Variants in TMEM132B observed in about 807,000 individuals in gnomAD.
The protein encoded by TMEM132B is transmembrane protein 132B.
In TMEM132B, 18 loss-of-function variants were observed where a neutral mutation model predicts 90.8. The observed-to-expected ratio is 0.20, with a 90% CI of 0.14 to 0.29. The LOEUF is 0.29. Ranked by LOEUF, TMEM132B falls within the 10% of genes least tolerant of loss-of-function variation. The pLI is 1.00. For missense variants in TMEM132B, 1,096 were observed against 1,326.8 expected (o/e 0.83, Z 2.70); for synonymous variants, 504 against 523.3 (o/e 0.96, Z 0.50).
In TMEM132B at chr12:125,411,160, T is replaced by TGGA. The variant is rs1266848494; in HGVS notation, c.960-4369_960-4367dup. ...GAGTGGAGTGAGTGGAGTGGAGGAG[T>TGGA]GGAGTGGAGTGGAGTGGAGTGAGTG... On this transcript the variant is annotated intron_variant, in intron 2 of 8. Transcript: ENST00000682704. Among the ~76,000 whole-genome samples the TGGA allele has an allele frequency of 1.4e-3, 61 of 44,980 alleles. 1 individual carries two copies. The highest frequency in any genetic ancestry group is 2.9e-3 in the East Asian group (5 of 1,702). 29.5% of individuals were successfully genotyped at this position (44,980 alleles called of 152,430 possible). A position where few individuals can be genotyped will look rare whatever the true frequency, so the allele number is the denominator to read the frequency against.
At chr12:125,625,130 CTTTTT>C (rs1169262449) in intron 5 of TMEM132B, among the ~76,000 whole-genome samples, 8 of 103,912 alleles carry the variant, frequency 7.7e-5, no homozygotes, top group African/African-American at 2.3e-4. Flanking sequence ...GATTTGACTT[CTTTTT>C]TTTTTTTTTT....
rs1458075923 is a variant in TMEM132B, at chr12:125,432,528, T to TATATATAGAG, written c.1106+16852_1106+16853insTATATAGAGA. ...GTGTGTGTGTATATATATATATATA[T>TATATATAGAG]AGAGAGAGAGAGAGAGAGAGAGAGA... is the stretch of plus-strand genomic sequence containing the variant. On this transcript the variant is annotated intron_variant, in intron 3 of 8. Transcript: ENST00000682704. 3.8e-3 allele frequency among the ~76,000 whole-genome samples: 149 copies of TATATATAGAG among 39,126 alleles called. 41 individuals carry two copies. The highest frequency in any genetic ancestry group is 5.1e-3 in the Non-Finnish European group (103 of 20,094). 25.7% of individuals were successfully genotyped at this position (39,126 alleles called of 152,430 possible).
chr12:125,443,295 G>A (rs1466679014), intron 3 of TMEM132B, among the ~76,000 whole-genome samples: 2 of 152,158 alleles, frequency 1.3e-5, no homozygotes. Flanking sequence ...ACTATTGAGG[G>A]GAGAAGAGGG....
rs149065668 is a variant in TMEM132B, at chr12:125,656,054, G to T, written c.*1344G>T. ...ACCACAGCTATTGAAAAATTAAAAC[G>T]GCAAGAGAAAAAAAGAAACAACTCC... On this transcript the variant is annotated 3_prime_UTR_variant, in exon 9 of 9. Coordinates refer to ENST00000682704, the MANE Select transcript of TMEM132B (RefSeq NM_001366854.1). The T allele has an allele frequency of 2.6e-5, 4 of 151,778 alleles. No individual in the cohort carries two copies. Among genetic ancestry groups the T allele is most frequent in the Admixed American group, 6.5e-5 (1 of 15,268 alleles). 9.4% of individuals were successfully genotyped at this position (151,778 alleles called of 1,614,324 possible). A position where few individuals can be genotyped will look rare whatever the true frequency, so the allele number is the denominator to read the frequency against.
chr12:125,435,715 G>T (rs1167319241), intron 3 of TMEM132B, among the ~76,000 whole-genome samples: 1 of 152,216 alleles, frequency 6.6e-6, no homozygotes, highest in African/African-American at 2.4e-5. Flanking sequence ...GATAAGAATG[G>T]AGAATGCCGG....
intron 1 of TMEM132B, among the ~76,000 whole-genome samples, chr12:125,211,393 T>C (rs542936369): frequency 4.6e-5 from 7 of 152,356 alleles, no homozygotes; most frequent in African/African-American, 1.7e-4. Flanking sequence ...TCTATCATGT[T>C]ATCTTCCTCT....
intron 1 of TMEM132B, among the ~76,000 whole-genome samples, chr12:125,227,858 A>G (rs1303344576): frequency 6.6e-6 from 1 of 152,134 alleles, no homozygotes; most frequent in Non-Finnish European, 1.5e-5. Flanking sequence ...ATGGGGTGGG[A>G]TAACTCCAAA....
intron 1 of TMEM132B, chr12:125,301,908 A>AAAAC (rs1565996922): frequency 3.4e-5 from 1 of 29,160 alleles, no homozygotes; most frequent in Non-Finnish European, 8.2e-5. Context: ...CAAAACAAAA[A>AAAAC]AAGAAAAAAT....
intron 1 of TMEM132B, among the ~76,000 whole-genome samples, chr12:125,319,369 T>C (rs326385): frequency 0.74 from 112,888 of 152,116 alleles, 43,033 homozygotes; most frequent in African/African-American, 0.91. Context: ...GAACTTGGCT[T>C]TCCAGTATGG....
intron 1 of TMEM132B, among the ~76,000 whole-genome samples, chr12:125,252,210 C>A (rs988081382): frequency 2.0e-5 from 3 of 152,190 alleles, no homozygotes; most frequent in African/African-American, 7.2e-5. Context: ...GCTAGTGGGC[C>A]TCAGGAAGGG....
chr12:125,292,648 C>G (rs1875572059), intron 1 of TMEM132B, among the ~76,000 whole-genome samples: 1 of 152,210 alleles, frequency 6.6e-6, no homozygotes, highest in South Asian at 2.1e-4. Flanking sequence ...AGGACTTGGT[C>G]TCTCTCCATT....
chr12:125,488,465 G>A (rs1194354378), intron 3 of TMEM132B, among the ~76,000 whole-genome samples: 1 of 152,162 alleles, frequency 6.6e-6, no homozygotes, highest in South Asian at 2.1e-4. Flanking sequence ...GAGGTGATTG[G>A]ATTATGGGGG....
rs145177193 is a variant in TMEM132B at position 125,283,332 on chromosome 12, A to G, written c.68-66120A>G. Reference sequence around the variant, plus strand: ...TTGAGCTTCAGTAGTCAAAATTACTATTTATTTAAATCTGTTGAATATGTA... The same window carrying G: ...TTGAGCTTCAGTAGTCAAAATTACTGTTTATTTAAATCTGTTGAATATGTA... On this transcript the variant is annotated intron_variant, in intron 1 of 8. Transcript: ENST00000682704. Among the ~76,000 whole-genome samples the G allele has an allele frequency of 1.7e-3, 253 of 152,274 alleles. 1 individual carries two copies. Among genetic ancestry groups the G allele is most frequent in the African/African-American group, 5.9e-3 (245 of 41,550 alleles).
At chr12:125,620,506 C>T (rs1218376154) in intron 5 of TMEM132B, among the ~76,000 whole-genome samples, 1 of 152,130 alleles carries the variant, frequency 6.6e-6, no homozygotes, top group East Asian at 1.9e-4. Flanking sequence ...CACTTCAAAC[C>T]AGCTTAATGT....
intron 1 of TMEM132B, among the ~76,000 whole-genome samples, chr12:125,254,357 G>A (rs762124202): frequency 7.2e-5 from 11 of 152,160 alleles, no homozygotes; most frequent in African/African-American, 2.4e-4. Flanking sequence ...AAGACCTGGC[G>A]GCATCCTGAT....
At chr12:125,256,787 T>C (rs1461449208) in intron 1 of TMEM132B, among the ~76,000 whole-genome samples, 3 of 152,208 alleles carry the variant, frequency 2.0e-5, no homozygotes, top group African/African-American at 2.4e-5. Flanking sequence ...GCAACTAAAT[T>C]GTGCAGTCAG....
In TMEM132B at chr12:125,654,782, G is replaced by A; in HGVS notation, c.*72G>A. 2 of 1,490,312 alleles carry A rather than the reference G, an allele frequency of 1.3e-6. No individual in the cohort carries two copies. The highest frequency in any genetic ancestry group is 2.6e-5 in the South Asian group (2 of 76,444). The allele number at this position is 1,490,312 out of a possible 1,614,324, so 92.3% of individuals were successfully genotyped here. A position where few individuals can be genotyped will look rare whatever the true frequency, so the allele number is the denominator to read the frequency against. ...AATGCTGGAGCAGTGAGTTTGATCA[G>A]CAATAGGGGATGATTTAACAAAGTT... is the stretch of plus-strand genomic sequence containing the variant. On this transcript the variant is annotated 3_prime_UTR_variant, in exon 9 of 9. Transcript: ENST00000682704. This position sits in a 1 kb window ranked among gnomAD's most constrained non-coding sequence, Gnocchi z 5.8.
At chr12:125,614,980 C>G (rs1043762428) in intron 5 of TMEM132B, among the ~76,000 whole-genome samples, 3 of 152,042 alleles carry the variant, frequency 2.0e-5, no homozygotes, top group East Asian at 3.9e-4. Context: ...ACTTTTTGAG[C>G]CTTTTGAATG....
At chr12:125,225,065 G>A (rs562172838) in intron 1 of TMEM132B, among the ~76,000 whole-genome samples, 1 of 152,322 alleles carries the variant, frequency 6.6e-6, no homozygotes, top group East Asian at 1.9e-4. Context: ...ATATGGAGTG[G>A]AGGGAGGAGG....
Sources: gnomAD v4.1 joint callset for allele counts (sites outside exome capture counted in the v4.1 genomes callset) on GRCh38, gnomAD v4.1.1 for gene constraint, Gnocchi (gnomAD v3.1) non-coding constraint, MANE v1.5 for transcripts, NCBI Gene and HGNC (gene_info 2026-07-23, HGNC 2026-07-21) for gene names.